The following ARHGAP36 variants were observed in gnomAD, a reference collection of about 807,000 sequenced individuals.
The protein encoded by ARHGAP36 is Rho GTPase activating protein 36.
A neutral mutation model predicts 32.9 loss-of-function variants in ARHGAP36; 7 were observed. That is an observed-to-expected ratio of 0.21 (90% CI 0.12 to 0.40). The LOEUF (loss-of-function observed/expected upper bound fraction) is 0.40, where lower values mean the gene tolerates loss of function less well. Ranked by LOEUF, ARHGAP36 falls within the 10% of genes least tolerant of loss-of-function variation. The pLI is 1.00. For missense variants in ARHGAP36, 383 were observed against 442.2 expected, an observed-to-expected ratio of 0.87 and a Z score of 1.20; for synonymous variants, 165 against 168.3, an observed-to-expected ratio of 0.98 and a Z score of 0.15.
chrX:131,058,428 G>T lies in ARHGAP36; in HGVS notation c.-159G>T. The T allele has an allele frequency of 9.2e-7, 1 of 1,087,958 alleles. No homozygotes were observed. The highest frequency in any genetic ancestry group is 1.2e-6 in the Non-Finnish European group (1 of 831,271). The allele number at this position is 1,087,958 out of a possible 1,213,427, so 89.7% of individuals were successfully genotyped here. ...ACTGCCTTTTCGCCTCGGCCTTTGA[G>T]CCCCGCCCCCGCCGTGGTGAGTGGG... On this transcript the variant is annotated 5_prime_UTR_variant, in exon 1 of 12. Coordinates refer to ENST00000276211, the MANE Select transcript of ARHGAP36 (RefSeq NM_144967.4).
intron 1 of ARHGAP36, 125 bp from the exon 2 acceptor site, chrX:131,081,399 T>C: frequency 1.9e-6 from 1 of 535,049 alleles, no homozygotes; most frequent in African/African-American, 2.4e-5. Flanking sequence ...AAAAATGTTT[T>C]TCTCTTTTAT....
intron 1 of ARHGAP36, among the ~76,000 whole-genome samples, chrX:131,070,114 A>G (rs1457811769): frequency 8.9e-6 from 1 of 112,368 alleles, no homozygotes; most frequent in Admixed American, 9.4e-5. Context: ...GAGTTATTCC[A>G]TTGGACAAAG....
intron 1 of ARHGAP36, among the ~76,000 whole-genome samples, chrX:131,063,232 A>G (rs1320378198): frequency 9.0e-6 from 1 of 111,578 alleles, no homozygotes; most frequent in African/African-American, 3.3e-5. Context: ...CTTGGCAGCT[A>G]CTGTCACGTC....
Position 131,085,072 on chromosome X carries a change from T to C in ARHGAP36, c.955+8T>C. The C allele has an allele frequency of 8.3e-7, 1 of 1,206,444 alleles. No individual in the cohort carries two copies. The highest frequency in any genetic ancestry group is 2.2e-5 in the Admixed American group (1 of 45,822). On this transcript the variant is annotated splice_region_variant and intron_variant, in intron 7 of 11. Transcript: ENST00000276211. The stretch of plus-strand genomic sequence containing the variant: ...CATTCCTCCTGACAGCAAGTGAGTC[T>C]TCTGACCTCCCTAGTAGGGCAAGGA...
Position 131,079,521 on chromosome X carries a change from T to C in ARHGAP36, c.-142-2003T>C, listed in dbSNP as rs746610743. ...AAGAGTTTTGGAGACAAAATTCAAG[T>C]ATGGTTTATTTGTTTGTTTGTTTTT... On this transcript the variant is annotated intron_variant, in intron 1 of 11. Transcript: ENST00000276211. Among the ~76,000 whole-genome samples, 3 of 107,833 alleles carry C rather than the reference T, an allele frequency of 2.8e-5. No homozygotes were observed. In the South Asian group the frequency reaches 1.2e-3, roughly 44 times the overall value. 93.6% of individuals were successfully genotyped at this position (107,833 alleles called of 115,157 possible).
chrX:131,058,788 G>T (rs1025069503), intron 1 of ARHGAP36, among the ~76,000 whole-genome samples: 1 of 113,469 alleles, frequency 8.8e-6, no homozygotes, highest in East Asian at 2.8e-4. Context: ...AAGGCCCAAG[G>T]ATGAATGTCC....
intron 8 of ARHGAP36, 78 bp downstream of exon 8, chrX:131,085,814 G>C: frequency 8.5e-7 from 1 of 1,174,525 alleles, no homozygotes; most frequent in Non-Finnish European, 1.2e-6. Flanking sequence ...AGGGTGGATG[G>C]AGAGGAGAGA....
intron 1 of ARHGAP36, among the ~76,000 whole-genome samples, chrX:131,075,929 C>T (rs904756167): frequency 7.2e-5 from 8 of 111,385 alleles, no homozygotes; most frequent in Non-Finnish European, 1.5e-4. Context: ...TAAGTCACAG[C>T]CTCTCCAAAG....
chrX:131,088,195 G>A (rs1603395494), intron 11 of ARHGAP36, among the ~76,000 whole-genome samples: 1 of 112,845 alleles, frequency 8.9e-6, no homozygotes, highest in African/African-American at 3.2e-5. Context: ...CCTCACCAGA[G>A]GTGTTGAAGG....
At position 131,084,702 on chromosome X, in the gene ARHGAP36, T is replaced by C. The variant is rs749738678; in HGVS notation, c.804+21T>C. The C allele has an allele frequency of 3.3e-6, 4 of 1,208,675 alleles. No homozygotes were observed. The African/African-American group carries it at 5.2e-5, about 16-fold the overall frequency. ...GTCAGGTAAATTGGCTATGTTTACA[T>C]GTTTGTTCCTCCAATAAGAAAGAGC... On this transcript the variant is annotated intron_variant, in intron 6 of 11. Transcript: ENST00000276211.
At chrX:131,076,282 G>C (rs1413597489) in intron 1 of ARHGAP36, among the ~76,000 whole-genome samples, 1 of 111,999 alleles carries the variant, frequency 8.9e-6, no homozygotes, top group Non-Finnish European at 1.9e-5. Flanking sequence ...CAACCAAAAG[G>C]GGAAAAAATG....
intron 1 of ARHGAP36, among the ~76,000 whole-genome samples, chrX:131,080,354 T>C (rs2079788988): frequency 9.1e-6 from 1 of 109,536 alleles, no homozygotes; most frequent in South Asian, 4.0e-4. Flanking sequence ...GTTTTGTAAA[T>C]TGTTGCTAAC....
At chrX:131,077,419 T>G (rs1455626349) in intron 1 of ARHGAP36, among the ~76,000 whole-genome samples, 2 of 111,294 alleles carry the variant, frequency 1.8e-5, no homozygotes, top group Admixed American at 1.9e-4. Flanking sequence ...CTGCTTTTTT[T>G]TTTCCATAGG....
rs772281687 is a variant in ARHGAP36, at chrX:131,085,048, A to G, written c.939A>G (p.Ser313=). The part of the protein sequence containing the change: ...DSLLPDDLYM[S]FLLTATLKPQ... The stretch of plus-strand genomic sequence containing the variant: ...TGCTGCCAGATGATCTGTACATGTC[A>G]TTCCTCCTGACAGCAAGTGAGTCTT... The change falls in exon 7 of 12, where the codon TCA becomes TCG. Residue 313 remains serine (S), a synonymous_variant. Coordinates refer to ENST00000276211, the MANE Select transcript of ARHGAP36 (RefSeq NM_144967.4). The G allele has an allele frequency of 2.4e-5, 29 of 1,206,884 alleles. No individual in the cohort carries two copies. The highest frequency in any genetic ancestry group is 3.1e-5 in the Non-Finnish European group (28 of 894,091).
At chrX:131,065,058 T>C (rs1429275145) in intron 1 of ARHGAP36, among the ~76,000 whole-genome samples, 1 of 111,043 alleles carries the variant, frequency 9.0e-6, no homozygotes, top group African/African-American at 3.3e-5. Flanking sequence ...TGTGTGTGTG[T>C]GTGTGTGTGT....
chrX:131,082,020 GCCTGATCTCGGACTTGAT>G (rs1469165652), intron 2 of ARHGAP36, 102 bp downstream of exon 2: 19 of 995,240 alleles, frequency 1.9e-5, no homozygotes, highest in Non-Finnish European at 2.5e-5. Flanking sequence ...AGGGGCTCAC[GCCTGATCTCGGACTTGAT>G]CAGTTCTCCT....
At chrX:131,086,689 G>A (rs1351372366) in intron 11 of ARHGAP36, 24 bp downstream of exon 11, 17 of 1,192,283 alleles carry the variant, frequency 1.4e-5, no homozygotes, top group Non-Finnish European at 1.8e-5. Flanking sequence ...TGGAGGTCAG[G>A]CCCTTGCTGA....
At chrX:131,066,846 C>T (rs894236312) in intron 1 of ARHGAP36, among the ~76,000 whole-genome samples, 2 of 111,621 alleles carry the variant, frequency 1.8e-5, no homozygotes, top group Admixed American at 9.5e-5. Context: ...CTTACAGGAT[C>T]ATTGTAAGGA....
chrX:131,083,794 G>A lies in ARHGAP36; in HGVS notation c.380G>A (p.Arg127His), dbSNP rs778002878. 2 of 1,210,660 alleles carry A rather than the reference G, an allele frequency of 1.7e-6. No individual in the cohort carries two copies. The highest frequency in any genetic ancestry group is 3.0e-5 in the East Asian group (1 of 33,752). The change falls in exon 4 of 12, where the codon CGC becomes CAC. Residue 127 changes from arginine to histidine, a missense_variant. Arg to His is a conservative substitution (Grantham distance 29, BLOSUM62 0). Coordinates refer to ENST00000276211, the MANE Select transcript of ARHGAP36 (RefSeq NM_144967.4). Reference sequence around the variant, plus strand: ...GAGGTCCTGGTGAACGAGTTTACCCGCCGCAAGCATCTTGAACTGACAGCC... The same window carrying A: ...GAGGTCCTGGTGAACGAGTTTACCCACCGCAAGCATCTTGAACTGACAGCC... ...LEEVLVNEFT[R>H]RKHLELTATM...
Sources: gnomAD v4.1 joint callset for allele counts (sites outside exome capture counted in the v4.1 genomes callset) on GRCh38, gnomAD v4.1.1 for gene constraint, MANE v1.5 for transcripts, NCBI Gene and HGNC (gene_info 2026-07-23, HGNC 2026-07-21) for gene names.